CEP57: variants seen among roughly 807,000 people sequenced by gnomAD.
CEP57 encodes centrosomal protein of 57 kDa.
Under a neutral mutation model 68.0 loss-of-function variants are expected in CEP57, and 40 were observed. That is an observed-to-expected ratio of 0.59 (90% CI 0.46 to 0.77). The LOEUF (loss-of-function observed/expected upper bound fraction) is 0.77. Ranked by LOEUF, CEP57 falls within the 30% of genes least tolerant of loss-of-function variation. CEP57 has a pLI of 0.00. For synonymous variants in CEP57, 219 were observed against 198.7 expected (o/e 1.10, Z -0.86); for missense variants, 606 against 580.7 (o/e 1.04, Z -0.45).
In CEP57 at chr11:95,829,232, T is replaced by C; in HGVS notation, c.1173T>C (p.Val391=). The part of the protein sequence containing the change: ...LAKLIQESPT[V]ELKDKLECEL... Reference sequence around the variant, plus strand: ...AACTTATCCAGGAGTCGCCAACCGTTGAACTGAAAGACAAGTTGGAGTGTG... The same window carrying C: ...AACTTATCCAGGAGTCGCCAACCGTCGAACTGAAAGACAAGTTGGAGTGTG... The change falls in exon 10 of 11, where the codon GTT becomes GTC. Residue 391 remains valine, a synonymous_variant. Coordinates refer to ENST00000325542, the MANE Select transcript of CEP57 (RefSeq NM_014679.5). 1 of 1,614,060 alleles carries C rather than the reference T, an allele frequency of 6.2e-7. No individual in the cohort carries two copies. The highest frequency in any genetic ancestry group is 1.1e-5 in the South Asian group (1 of 91,082).
intron 2 of CEP57, among the ~76,000 whole-genome samples, chr11:95,803,990 A>G (rs1591054416): frequency 6.6e-6 from 1 of 152,298 alleles, no homozygotes; most frequent in East Asian, 1.9e-4. Context: ...AAACAGTTCC[A>G]AAGATGTGTG....
chr11:95,813,383 A>G (rs1473332005), intron 3 of CEP57, 85 bp from the exon 4 acceptor site: 2 of 1,518,272 alleles, frequency 1.3e-6, no homozygotes, highest in East Asian at 2.3e-5. Context: ...TATTGTATAC[A>G]CAATAGATCC....
intron 4 of CEP57, among the ~76,000 whole-genome samples, chr11:95,817,566 A>G (rs528254705): frequency 2.0e-5 from 3 of 152,254 alleles, no homozygotes; most frequent in African/African-American, 7.2e-5. Context: ...ACTATATAAA[A>G]CTACATATTA....
rs766796929 is a variant in CEP57, at chr11:95,822,555, T to TA, written c.865dup (p.Met289AsnfsTer12). The TA allele has an allele frequency of 6.2e-7, 1 of 1,613,812 alleles. No individual in the cohort carries two copies. Among genetic ancestry groups the TA allele is most frequent in the Admixed American group, 1.7e-5 (1 of 60,020 alleles). ...CACATTATAGATTATGCTTGGGTGA[T>TA]ATGCCATTTGTAGCTGGGAAGGTGA... On this transcript the variant is annotated frameshift_variant, in exon 8 of 11. Coordinates refer to ENST00000325542, the MANE Select transcript of CEP57 (RefSeq NM_014679.5). LOFTEE classifies it high-confidence loss of function.
At chr11:95,790,470 G>A (rs999837431), upstream of CEP57, 7 of 597,778 alleles carry the variant, frequency 1.2e-5, no homozygotes, top group South Asian at 1.4e-4. Flanking sequence ...TGATTGGCTA[G>A]GAAAGACGTC....
chr11:95,816,344 G>A (rs1482372000), intron 4 of CEP57, among the ~76,000 whole-genome samples: 2 of 152,146 alleles, frequency 1.3e-5, no homozygotes, highest in African/African-American at 2.4e-5. Context: ...CCCAAAATGT[G>A]GGGATTACAA....
chr11:95,822,726 G>T (rs1293881911), intron 8 of CEP57, 150 bp downstream of exon 8: 1 of 723,356 alleles, frequency 1.4e-6, no homozygotes, highest in African/African-American at 1.8e-5. Context: ...GAGATGTAGG[G>T]AGGTTTTTGG....
chr11:95,827,693 G>A (rs1565333609), intron 8 of CEP57, 93 bp from the exon 9 acceptor site: 1 of 1,397,198 alleles, frequency 7.2e-7, no homozygotes, highest in South Asian at 1.2e-5. Context: ...TACTTTAGGG[G>A]GTGGAGAGTT....
At chr11:95,806,408 C>G (rs775013227) in intron 2 of CEP57, among the ~76,000 whole-genome samples, 1 of 152,106 alleles carries the variant, frequency 6.6e-6, no homozygotes, top group Non-Finnish European at 1.5e-5. Flanking sequence ...GAGTATGAGC[C>G]GAAGCAGGGC....
At chr11:95,812,245 T>C (rs1378830450) in intron 2 of CEP57, among the ~76,000 whole-genome samples, 1 of 152,040 alleles carries the variant, frequency 6.6e-6, no homozygotes, top group Non-Finnish European at 1.5e-5. Flanking sequence ...CTAATACATT[T>C]ACTAATTTTA....
intron 2 of CEP57, among the ~76,000 whole-genome samples, chr11:95,801,449 G>GAAAA: frequency 2.4e-5 from 1 of 41,428 alleles, no homozygotes; most frequent in Non-Finnish European, 4.7e-5. Flanking sequence ...ATTTTAAAAA[G>GAAAA]CAAAAAAAAA....
chr11:95,823,908 C>T (rs1337388043), intron 8 of CEP57, among the ~76,000 whole-genome samples: 1 of 151,776 alleles, frequency 6.6e-6, no homozygotes, highest in Non-Finnish European at 1.5e-5. Flanking sequence ...ATCATGGGAC[C>T]CATATCAAGT....
intron 8 of CEP57, among the ~76,000 whole-genome samples, chr11:95,824,131 A>C (rs956296310): frequency 6.6e-6 from 1 of 151,432 alleles, no homozygotes; most frequent in African/African-American, 2.4e-5. Context: ...CTGTGGTCCC[A>C]GCTACTCAGG....
chr11:95,821,888 A>C lies in CEP57; in HGVS notation c.717A>C (p.Glu239Asp). The change falls in exon 7 of 11, where the codon GAA (glutamate) becomes GAC (aspartate). Residue 239 changes from glutamate to aspartate, a missense_variant. Glu to Asp is a conservative substitution (Grantham distance 45, BLOSUM62 2). Transcript: ENST00000325542. The stretch of plus-strand genomic sequence containing the variant: ...TTTCCTAGTTGCAGACTGGTCTAGA[A>C]ACAAATAGACTTATCTTTGAAGATA... ...AKAAELQTGL[E>D]TNRLIFEDKA... The C allele has an allele frequency of 6.2e-7, 1 of 1,611,484 alleles. No individual in the cohort carries two copies. Among genetic ancestry groups the C allele is most frequent in the Non-Finnish European group, 8.5e-7 (1 of 1,178,896 alleles).
At chr11:95,792,029 G>A (rs759411670) in intron 1 of CEP57, among the ~76,000 whole-genome samples, 6 of 152,176 alleles carry the variant, frequency 3.9e-5, no homozygotes, top group African/African-American at 1.4e-4. Context: ...TCACCTTGGA[G>A]AAGTCAGTTT....
chr11:95,801,056 G>T (rs1245352652), intron 2 of CEP57, among the ~76,000 whole-genome samples: 1 of 152,128 alleles, frequency 6.6e-6, no homozygotes, highest in African/African-American at 2.4e-5. Context: ...TAAATTAGTT[G>T]AGGAACATTT....
chr11:95,792,334 C>G (rs554780893), intron 1 of CEP57, among the ~76,000 whole-genome samples: 4 of 152,266 alleles, frequency 2.6e-5, no homozygotes, highest in Non-Finnish European at 4.4e-5. Context: ...AATACTCTTA[C>G]AAATGTTGAA....
Position 95,827,951 on chromosome 11 carries a change from CCCT to C in CEP57, c.1057_1059del (p.Ser353del). 1 of 1,614,024 alleles carries C rather than the reference CCCT, an allele frequency of 6.2e-7. No homozygotes were observed. Among genetic ancestry groups the C allele is most frequent in the Non-Finnish European group, 8.5e-7 (1 of 1,179,970 alleles). ...AAGTAAGAAGTTGTCAGTAACACCT[CCCT>C]CCTCCAACGGTATTAATGAGGAGTT... On this transcript the variant is annotated inframe_deletion, in exon 9 of 11. Coordinates refer to ENST00000325542, the MANE Select transcript of CEP57 (RefSeq NM_014679.5).
chr11:95,829,312 T>C lies in CEP57; in HGVS notation c.1253T>C (p.Val418Ala). 6.2e-7 allele frequency: 1 copy of C among 1,613,922 alleles called. No individual in the cohort carries two copies. The highest frequency in any genetic ancestry group is 8.5e-7 in the Non-Finnish European group (1 of 1,179,944). Residue 418 changes from valine to alanine, a missense_variant, in exon 10 of 11, where the codon GTT (valine) becomes GCT (alanine). Physicochemically the swap from Val to Ala is moderately conservative, Grantham distance 64. Transcript: ENST00000325542. ...GCAAAAGCCAACCAAATAACTAAAG[T>C]TCGAAAATACCAAGCCCAGGTAACT... ...MEAKANQITKVRKYQAQLEKQ... is the reference protein window; with the variant it reads ...MEAKANQITKARKYQAQLEKQ...
Sources: allele counts gnomAD v4.1 joint callset (sites outside exome capture counted in the v4.1 genomes callset), GRCh38; gene constraint gnomAD v4.1.1; transcripts MANE v1.5; gene names NCBI Gene and HGNC (gene_info 2026-07-23, HGNC 2026-07-21).